Variants in CELSR1 observed in about 807,000 individuals in gnomAD.
The protein encoded by CELSR1 is adhesion G protein-coupled receptor C1.
Under a neutral mutation model 249.1 loss-of-function variants are expected in CELSR1, and 110 were observed. That is an observed-to-expected ratio of 0.44 (90% CI 0.38 to 0.52). The LOEUF (loss-of-function observed/expected upper bound fraction) is 0.52. Ranked by LOEUF, CELSR1 falls within the 20% of genes least tolerant of loss-of-function variation. CELSR1 has a pLI of 0.00. For missense variants in CELSR1, 4,109 were observed against 4,296.4 expected (o/e 0.96, Z 1.22); for synonymous variants, 2,113 against 1,900.0 (o/e 1.11, Z -2.92).
In CELSR1 at chr22:46,391,622, G is replaced by A; in HGVS notation, c.6148+11C>T. On this transcript the variant is annotated intron_variant, in intron 15 of 34. Transcript: ENST00000674500. This position sits in a 1 kb window ranked among gnomAD's most constrained non-coding sequence, Gnocchi z 4.3. ...GCTGTAACCTGCAGGGTGTCGAGGGGCAACGCGGACCTTCACAGCCGAGCG... is the reference window on the plus strand; with the variant it reads ...GCTGTAACCTGCAGGGTGTCGAGGGACAACGCGGACCTTCACAGCCGAGCG... 2.5e-6 allele frequency: 4 copies of A among 1,583,658 alleles called. No individual in the cohort carries two copies. The highest frequency in any genetic ancestry group is 3.4e-6 in the Non-Finnish European group (4 of 1,169,782).
rs1361456768 is a variant in CELSR1 at position 46,374,094 on chromosome 22, G to A, written c.7585-1037C>T. ...CAGAGCAGGAACCGAAGCAGGGAAC[G>A]CAGGCTCAAGTTATGCCAGAGACAG... is the stretch of plus-strand genomic sequence containing the variant. On this transcript the variant is annotated intron_variant, in intron 24 of 34. Coordinates refer to ENST00000674500, the MANE Select transcript of CELSR1 (RefSeq NM_001378328.1). The surrounding 1 kb of genome is among the most constrained non-coding windows in gnomAD (Gnocchi z 4.3). 2.0e-5 allele frequency among the ~76,000 whole-genome samples: 3 copies of A among 152,222 alleles called. No homozygotes were observed. The highest frequency in any genetic ancestry group is 4.4e-5 in the Non-Finnish European group (3 of 68,042).
intron 5 of CELSR1, among the ~76,000 whole-genome samples, chr22:46,425,295 G>C (rs975517316): frequency 6.6e-6 from 1 of 152,190 alleles, no homozygotes; most frequent in African/African-American, 2.4e-5. Flanking sequence ...ATTGGAATGA[G>C]GGTAATGCTT....
intron 5 of CELSR1, among the ~76,000 whole-genome samples, chr22:46,416,811 C>T (rs988159141): frequency 1.3e-5 from 2 of 152,094 alleles, no homozygotes; most frequent in Admixed American, 6.6e-5. Flanking sequence ...TCCACTCAGC[C>T]GCTCTACGCA....
At position 46,454,861 on chromosome 22, in the gene CELSR1, T is replaced by C. The variant is rs951592068; in HGVS notation, c.4183+8846A>G. On this transcript the variant is annotated intron_variant, in intron 2 of 34. Coordinates refer to ENST00000674500, the MANE Select transcript of CELSR1 (RefSeq NM_001378328.1). The surrounding 1 kb of genome is among the most constrained non-coding windows in gnomAD (Gnocchi z 5.1). ...CAGCGAAGGAGCACCCACGGCTGAA[T>C]TGTGTCCCCAGAAAGATACGCTCAG... Among the ~76,000 whole-genome samples the C allele has an allele frequency of 6.6e-6, 1 of 152,188 alleles. No individual in the cohort carries two copies. The highest frequency in any genetic ancestry group is 6.5e-5 in the Admixed American group (1 of 15,282).
intron 20 of CELSR1, 58 bp downstream of exon 20, chr22:46,384,485 T>A (rs1287701531): frequency 6.6e-7 from 1 of 1,522,580 alleles, no homozygotes. Flanking sequence ...AGCGGGGCCC[T>A]CCCCTCCCTG....
chr22:46,438,337 T>C (rs899717449), intron 3 of CELSR1, among the ~76,000 whole-genome samples: 36 of 152,068 alleles, frequency 2.4e-4, no homozygotes, highest in Admixed American at 2.2e-3. Flanking sequence ...AGCACCCACC[T>C]GAAACAAAAG....
rs1014559542 is a variant in CELSR1, at chr22:46,443,600, C to T, written c.4184-4189G>A. The stretch of plus-strand genomic sequence containing the variant: ...CACACATTTGCACAATGCTTATAAC[C>T]TTCCACATGTATTCACACATGCACT... On this transcript the variant is annotated intron_variant, in intron 2 of 34. Transcript: ENST00000674500. 2.6e-5 allele frequency among the ~76,000 whole-genome samples: 4 copies of T among 152,258 alleles called. No individual in the cohort carries two copies. The East Asian group carries it at 7.7e-4, about 29-fold the overall frequency.
rs923510892 is a variant in CELSR1, at chr22:46,490,968, G to A, written c.3545-26623C>T. Among the ~76,000 whole-genome samples the A allele has an allele frequency of 2.0e-5, 3 of 152,060 alleles. No homozygotes were observed. The highest frequency in any genetic ancestry group is 6.6e-5 in the Admixed American group (1 of 15,248). ...GAGGGCTGCCTCTGCACCCACAGGCGGGGGATTTTGTTCCCCTACAAGTTC... is the reference window on the plus strand; with the variant it reads ...GAGGGCTGCCTCTGCACCCACAGGCAGGGGATTTTGTTCCCCTACAAGTTC... On this transcript the variant is annotated intron_variant, in intron 1 of 34. Transcript: ENST00000674500. The surrounding 1 kb of genome is among the most constrained non-coding windows in gnomAD (Gnocchi z 5.2).
At chr22:46,403,042 C>G (rs1368394746) in intron 9 of CELSR1, among the ~76,000 whole-genome samples, 4 of 152,074 alleles carry the variant, frequency 2.6e-5, no homozygotes, top group Non-Finnish European at 2.9e-5. Context: ...AAAGTCCTCA[C>G]TACAGAAAAA....
chr22:46,537,135 C>T lies in CELSR1; in HGVS notation c.36G>A (p.Leu12=). Reference sequence around the variant, plus strand: ...GGGCGGCGGCGGCGGCCAGGAGCAGCAGCACGGGCAGCACGGGCGGCGGCG... The same window carrying T: ...GGGCGGCGGCGGCGGCCAGGAGCAGTAGCACGGGCAGCACGGGCGGCGGCG... ...APPPPPVLPV[L]LLLAAAAALP... Residue 12 remains leucine (L), a synonymous_variant, in exon 1 of 35, where the codon CTG becomes CTA. Transcript: ENST00000674500. This position sits in a 1 kb window ranked among gnomAD's most constrained non-coding sequence, Gnocchi z 5.8. 1 of 1,030,372 alleles carries T rather than the reference C, an allele frequency of 9.7e-7. No individual in the cohort carries two copies. Among genetic ancestry groups the T allele is most frequent in the Non-Finnish European group, 1.2e-6 (1 of 861,476 alleles). 63.8% of individuals were successfully genotyped at this position (1,030,372 alleles called of 1,614,324 possible). A position where few individuals can be genotyped will look rare whatever the true frequency, so the allele number is the denominator to read the frequency against.
chr22:46,535,706 C>T lies in CELSR1; in HGVS notation c.1465G>A (p.Gly489Ser), dbSNP rs1360539705. 3 of 1,612,784 alleles carry T rather than the reference C, an allele frequency of 1.9e-6. No homozygotes were observed. Among genetic ancestry groups the T allele is most frequent in the East Asian group, 4.5e-5 (2 of 44,892 alleles). Residue 489 changes from glycine to serine, a missense_variant, in exon 1 of 35, where the codon GGC becomes AGC. By Grantham distance (56) the Gly-to-Ser change is moderately conservative (BLOSUM62 0). Around this residue, in one of 7 missense-constraint regions of CELSR1, gnomAD observed 135 missense variants for 190.0 expected, o/e 0.71. Transcript: ENST00000674500. ...LRVQATDRDQ[G>S]QNAAIHYSIL... Reference sequence around the variant, plus strand: ...CTGTAGTGAATGGCCGCGTTCTGGCCCTGGTCCCGGTCCGTGGCCTGCACT... The same window carrying T: ...CTGTAGTGAATGGCCGCGTTCTGGCTCTGGTCCCGGTCCGTGGCCTGCACT...
chr22:46,460,707 G>C (rs1181066864), intron 2 of CELSR1, among the ~76,000 whole-genome samples: 2 of 152,166 alleles, frequency 1.3e-5, no homozygotes, highest in African/African-American at 2.4e-5. Context: ...GAGCCTTAAG[G>C]CTTCCTGCCC....
At position 46,468,334 on chromosome 22, in the gene CELSR1, C is replaced by T. The variant is rs2080119632; in HGVS notation, c.3545-3989G>A. On this transcript the variant is annotated intron_variant, in intron 1 of 34. Transcript: ENST00000674500. This position sits in a 1 kb window ranked among gnomAD's most constrained non-coding sequence, Gnocchi z 4.5. ...CCAAGAGGTGGAGGTTGTGGTGAGC[C>T]AAGATCATACCACTGCACTCCAGCC... is the stretch of plus-strand genomic sequence containing the variant. Among the ~76,000 whole-genome samples the T allele has an allele frequency of 6.7e-6, 1 of 148,688 alleles. No homozygotes were observed. Among genetic ancestry groups the T allele is most frequent in the African/African-American group, 2.5e-5 (1 of 40,054 alleles).
chr22:46,377,078 T>C lies in CELSR1; in HGVS notation c.7567A>G (p.Asn2523Asp), dbSNP rs2078926442. 6.2e-7 allele frequency: 1 copy of C among 1,613,142 alleles called. No individual in the cohort carries two copies. Among genetic ancestry groups the C allele is most frequent in the African/African-American group, 1.3e-5 (1 of 74,912 alleles). The change falls in exon 24 of 35, where the codon AAC becomes GAC. Residue 2523 changes from asparagine (N) to aspartate (D), a missense_variant. Asn to Asp is a conservative substitution (Grantham distance 23, BLOSUM62 1). Coordinates refer to ENST00000674500, the MANE Select transcript of CELSR1 (RefSeq NM_001378328.1). ...GGCCATACCGGGTTTTCCGTCTGGT[T>C]GATCCCAATCACGAACACCAGCTGA... ...LSQLVFVIGI[N>D]QTENPFLCTV... is the part of the protein sequence containing the mutation.
intron 2 of CELSR1, among the ~76,000 whole-genome samples, chr22:46,458,890 T>C (rs1301766555): frequency 6.6e-6 from 1 of 152,056 alleles, no homozygotes; most frequent in Non-Finnish European, 1.5e-5. Flanking sequence ...TTTAGGTTTT[T>C]TTTTGTTTGT....
chr22:46,509,681 A>C (rs2080552630), intron 1 of CELSR1, among the ~76,000 whole-genome samples: 1 of 152,130 alleles, frequency 6.6e-6, no homozygotes, highest in African/African-American at 2.4e-5. Context: ...CTGTCAGCTC[A>C]AGTGAGTAGT....
chr22:46,498,077 C>T (rs778023552), intron 1 of CELSR1, among the ~76,000 whole-genome samples: 84 of 150,514 alleles, frequency 5.6e-4, no homozygotes, highest in Non-Finnish European at 1.0e-3. Context: ...GGAGAAACCC[C>T]GTCTCTAATA....
Position 46,535,832 on chromosome 22 carries a change from T to G in CELSR1, c.1339A>C (p.Ile447Leu). Residue 447 changes from isoleucine to leucine, a missense_variant, in exon 1 of 35, where the codon ATC (isoleucine) becomes CTC (leucine). By Grantham distance (5) the Ile-to-Leu change is conservative. This residue lies in a region of CELSR1 where 135 missense variants were observed against 190.0 expected (regional missense o/e 0.71). Coordinates refer to ENST00000674500, the MANE Select transcript of CELSR1 (RefSeq NM_001378328.1). ...TTGTCGTTCTCGTCCTCCACCTCGA[T>G]GTACACGGTGGCCGTGGCACTGAGC... ...GPLSATATVY[I>L]EVEDENDNYP... 6.2e-7 allele frequency: 1 copy of G among 1,612,068 alleles called. No homozygotes were observed. Among genetic ancestry groups the G allele is most frequent in the Non-Finnish European group, 8.5e-7 (1 of 1,179,984 alleles).
chr22:46,508,722 A>T (rs2080541807), intron 1 of CELSR1, among the ~76,000 whole-genome samples: 1 of 152,192 alleles, frequency 6.6e-6, no homozygotes, highest in African/African-American at 2.4e-5. Flanking sequence ...TAGAAATGTC[A>T]GATTTCTAAG....
Sources: gnomAD v4.1 joint callset for allele counts (sites outside exome capture counted in the v4.1 genomes callset) on GRCh38, gnomAD v4.1.1 for gene constraint, gnomAD v4.1.1 regional missense constraint, Gnocchi (gnomAD v3.1) non-coding constraint, MANE v1.5 for transcripts, NCBI Gene and HGNC (gene_info 2026-07-23, HGNC 2026-07-21) for gene names.